The following TBC1D22A variants were observed in gnomAD, a reference collection of about 807,000 sequenced individuals.
TBC1D22A encodes putative GTPase activator.
Under a neutral mutation model 60.2 loss-of-function variants are expected in TBC1D22A, and 38 were observed. The observed-to-expected ratio is 0.63, with a 90% CI of 0.49 to 0.83. TBC1D22A has a LOEUF of 0.83. TBC1D22A is among the 40% of genes least tolerant of loss of function. The pLI is 0.00. For missense variants in TBC1D22A, 628 were observed against 701.0 expected (o/e 0.90, Z 1.18); for synonymous variants, 302 against 281.7 (o/e 1.07, Z -0.72).
intron 1 of TBC1D22A, among the ~76,000 whole-genome samples, chr22:46,791,962 T>C (rs2146887990): frequency 6.6e-6 from 1 of 152,328 alleles, no homozygotes; most frequent in African/African-American, 2.4e-5. Flanking sequence ...GGTTTCACCA[T>C]GTTTGCCAGG....
intron 4 of TBC1D22A, among the ~76,000 whole-genome samples, chr22:46,867,450 A>T (rs967576084): frequency 1.3e-5 from 2 of 152,212 alleles, no homozygotes; most frequent in Admixed American, 1.3e-4. Context: ...ATATGTAAAA[A>T]ATATACCTTC....
At chr22:46,905,348 A>C (rs1175859792) in intron 7 of TBC1D22A, among the ~76,000 whole-genome samples, 1 of 152,212 alleles carries the variant, frequency 6.6e-6, no homozygotes, top group Non-Finnish European at 1.5e-5. Context: ...TTTCTGATGG[A>C]GACAGTCATC....
rs1235725065 is a variant in TBC1D22A at position 47,091,340 on chromosome 22, A to G, written c.1330-20168A>G. ...CGTGTTGATAGAGACAGGCACTAGA[A>G]GTCGTCTTTGGGGGGAGTGGCCTCG... On this transcript the variant is annotated intron_variant, in intron 11 of 12. Transcript: ENST00000337137. 6.4e-4 allele frequency among the ~76,000 whole-genome samples: 47 copies of G among 73,438 alleles called. 4 individuals are homozygous for G. The highest frequency in any genetic ancestry group is 8.2e-4 in the Non-Finnish European group (35 of 42,528). The allele number at this position is 73,438 out of a possible 152,430, so 48.2% of individuals were successfully genotyped here.
At chr22:46,941,969 T>C (rs2072190120) in intron 8 of TBC1D22A, among the ~76,000 whole-genome samples, 1 of 130,624 alleles carries the variant, frequency 7.7e-6, no homozygotes, top group Non-Finnish European at 1.6e-5. Context: ...ACACACACAG[T>C]CCACCCTTGA....
intron 10 of TBC1D22A, among the ~76,000 whole-genome samples, chr22:46,999,548 C>T (rs1261458602): frequency 6.6e-6 from 1 of 152,170 alleles, no homozygotes; most frequent in Non-Finnish European, 1.5e-5. Context: ...TGGTGGGCGC[C>T]ATCATCCCTG....
chr22:46,831,992 A>G (rs1253396080), intron 4 of TBC1D22A, among the ~76,000 whole-genome samples: 1 of 152,180 alleles, frequency 6.6e-6, no homozygotes, highest in Non-Finnish European at 1.5e-5. Context: ...TCCAAGTGGG[A>G]TAAAAGCCAT....
In TBC1D22A at chr22:46,777,653, A is replaced by T. The variant is rs2083760729; in HGVS notation, c.62+14805A>T. On this transcript the variant is annotated intron_variant, in intron 1 of 12. Coordinates refer to ENST00000337137, the MANE Select transcript of TBC1D22A (RefSeq NM_014346.5). The surrounding 1 kb of genome is among the most constrained non-coding windows in gnomAD (Gnocchi z 4.5). ...GAGGCTGGCAGGAGGCAGAGGAGGG[A>T]GCAAGAAGAAAGAGCTCAGTGTGAT... is the stretch of plus-strand genomic sequence containing the variant. Among the ~76,000 whole-genome samples, 1 of 152,114 alleles carries T rather than the reference A, an allele frequency of 6.6e-6. No individual in the cohort carries two copies. The highest frequency in any genetic ancestry group is 2.1e-4 in the South Asian group (1 of 4,824).
At chr22:46,955,144 G>C (rs2073120483) in intron 8 of TBC1D22A, among the ~76,000 whole-genome samples, 1 of 152,162 alleles carries the variant, frequency 6.6e-6, no homozygotes, top group Non-Finnish European at 1.5e-5. Flanking sequence ...GTAATGTTCA[G>C]CGTAGTGTTA....
At chr22:47,056,387 G>A (rs1793594789) in intron 11 of TBC1D22A, among the ~76,000 whole-genome samples, 2 of 152,260 alleles carry the variant, frequency 1.3e-5, no homozygotes, top group African/African-American at 4.8e-5. Flanking sequence ...TGAGCTGACG[G>A]TTGATTTGAC....
chr22:46,884,257 C>T (rs1018904596), intron 5 of TBC1D22A, among the ~76,000 whole-genome samples: 2 of 152,006 alleles, frequency 1.3e-5, no homozygotes, highest in African/African-American at 4.8e-5. Flanking sequence ...AGGTGGGTAG[C>T]GGTCAGGGTG....
chr22:47,030,792 C>T (rs897325347), intron 10 of TBC1D22A, among the ~76,000 whole-genome samples: 8 of 152,234 alleles, frequency 5.3e-5, no homozygotes, highest in African/African-American at 7.2e-5. Context: ...TGAATCCTTT[C>T]GGCATGTACA....
chr22:46,784,196 C>G (rs964571952), intron 1 of TBC1D22A, among the ~76,000 whole-genome samples: 1 of 152,038 alleles, frequency 6.6e-6, no homozygotes, highest in South Asian at 2.1e-4. Context: ...CAGGTACATG[C>G]CACTGTGCCT....
intron 11 of TBC1D22A, among the ~76,000 whole-genome samples, chr22:47,074,134 A>G (rs2064113074): frequency 6.6e-6 from 1 of 152,244 alleles, no homozygotes; most frequent in Non-Finnish European, 1.5e-5. Context: ...CCCACAAAGT[A>G]TATAATTCAG....
At chr22:46,871,809 A>G (rs2067305360) in intron 4 of TBC1D22A, among the ~76,000 whole-genome samples, 3 of 152,248 alleles carry the variant, frequency 2.0e-5, no homozygotes. Flanking sequence ...GAGTAAAAGA[A>G]GAGAAACAAT....
At chr22:47,038,144 A>G (rs1240460097) in intron 11 of TBC1D22A, among the ~76,000 whole-genome samples, 1 of 152,218 alleles carries the variant, frequency 6.6e-6, no homozygotes, top group Non-Finnish European at 1.5e-5. Context: ...TCAGTTACAA[A>G]TAGCAGGCAC....
In TBC1D22A at chr22:46,874,922, G is replaced by GT. The variant is rs549379741; in HGVS notation, c.638-3724dup. Among the ~76,000 whole-genome samples, 45 of 152,200 alleles carry GT rather than the reference G, an allele frequency of 3.0e-4. No homozygotes were observed. In the East Asian group the frequency reaches 7.5e-3, roughly 25 times the overall value. Reference sequence around the variant, plus strand: ...CCTTTGCCCCCTGTTTAATGGGGTTGTTTTTTTCTTGTAAATTTAAGTTGC... The same window carrying GT: ...CCTTTGCCCCCTGTTTAATGGGGTTGTTTTTTTTCTTGTAAATTTAAGTTGC... On this transcript the variant is annotated intron_variant, in intron 4 of 12. Transcript: ENST00000337137.
At chr22:47,151,564 T>C (rs1569474564) in intron 12 of TBC1D22A, among the ~76,000 whole-genome samples, 1 of 152,236 alleles carries the variant, frequency 6.6e-6, no homozygotes, top group Non-Finnish European at 1.5e-5. Context: ...CTCTGGTACC[T>C]GGGCTCCCTC....
rs144463209 is a variant in TBC1D22A, at chr22:46,884,728, G to T, written c.708+6005G>T. ...CATAACACTTTATTTACAAAAATGG[G>T]TGGGCAGGATTGGCTGATGGTCAGT... On this transcript the variant is annotated intron_variant, in intron 5 of 12. Coordinates refer to ENST00000337137, the MANE Select transcript of TBC1D22A (RefSeq NM_014346.5). 2.3e-3 allele frequency among the ~76,000 whole-genome samples: 349 copies of T among 152,342 alleles called. 2 individuals carry two copies. The highest frequency in any genetic ancestry group is 8.1e-3 in the African/African-American group (336 of 41,572).
intron 12 of TBC1D22A, among the ~76,000 whole-genome samples, chr22:47,148,542 G>A (rs1288575618): frequency 6.6e-6 from 1 of 152,096 alleles, no homozygotes; most frequent in Admixed American, 6.5e-5. Context: ...CCCCTCCCTG[G>A]AGTCCCTCCC....
Sources: gnomAD v4.1 joint callset for allele counts (sites outside exome capture counted in the v4.1 genomes callset) on GRCh38, gnomAD v4.1.1 for gene constraint, Gnocchi (gnomAD v3.1) non-coding constraint, MANE v1.5 for transcripts, NCBI Gene and HGNC (gene_info 2026-07-23, HGNC 2026-07-21) for gene names.